The following IFT74 variants were observed in gnomAD, a reference collection of about 807,000 sequenced individuals.
The protein encoded by IFT74 is intraflagellar transport 74.
A neutral mutation model predicts 96.7 loss-of-function variants in IFT74; 92 were observed. That is an observed-to-expected ratio of 0.95 (90% CI 0.80 to 1.13). The LOEUF is 1.13. IFT74 is among the 50% of genes most tolerant of loss of function. The probability of loss-of-function intolerance (pLI) is 0.00; values close to 1 mark genes in which losing one functional copy is unlikely to be tolerated. For missense variants in IFT74, 811 were observed against 698.2 expected, an observed-to-expected ratio of 1.16 and a Z score of -1.82; for synonymous variants, 223 against 213.2, an observed-to-expected ratio of 1.05 and a Z score of -0.40.
chr9:27,007,524 T>C (rs1828854613), intron 8 of IFT74, among the ~76,000 whole-genome samples: 1 of 152,226 alleles, frequency 6.6e-6, no homozygotes, highest in Non-Finnish European at 1.5e-5. Flanking sequence ...TAATTGAAGC[T>C]CCAAGTGAAG....
chr9:26,979,319 A>G (rs1827257422), intron 3 of IFT74, among the ~76,000 whole-genome samples: 1 of 152,214 alleles, frequency 6.6e-6, no homozygotes, highest in African/African-American at 2.4e-5. Flanking sequence ...TTGAAAGTGG[A>G]TGCACAGAAA....
chr9:26,982,158 G>C (rs1827408002), intron 4 of IFT74: 1 of 186,960 alleles, frequency 5.3e-6, no homozygotes, highest in African/African-American at 2.4e-5. Context: ...TAATAAGAAA[G>C]GGAAAATATG....
At chr9:27,038,753 A>G (rs145647314) in intron 13 of IFT74, among the ~76,000 whole-genome samples, 1 of 152,354 alleles carries the variant, frequency 6.6e-6, no homozygotes, top group Admixed American at 6.5e-5. Flanking sequence ...ATTTAGCAGA[A>G]ACAGAGTCCT....
Position 27,048,250 on chromosome 9 carries a change from A to C in IFT74, c.1309A>C (p.Ser437Arg). The C allele has an allele frequency of 2.5e-6, 4 of 1,599,650 alleles. No individual in the cohort carries two copies. Among genetic ancestry groups the C allele is most frequent in the Non-Finnish European group, 3.4e-6 (4 of 1,173,798 alleles). Residue 437 changes from serine (S) to arginine (R), a missense_variant, in exon 16 of 20, where the codon AGT (serine) becomes CGT (arginine). By Grantham distance (110) the Ser-to-Arg change is moderately radical. Coordinates refer to ENST00000380062, the MANE Select transcript of IFT74 (RefSeq NM_025103.4). ...ATCTACTGAAGTGCAGAAATCACAA[A>C]GTACAGCTCAGAATTTGACTTCAGG... is the stretch of plus-strand genomic sequence containing the variant. ...FKSTEVQKSQ[S>R]TAQNLTSDIQ...
At chr9:27,024,660 G>C (rs1226932133) in intron 12 of IFT74, among the ~76,000 whole-genome samples, 1 of 152,056 alleles carries the variant, frequency 6.6e-6, no homozygotes, top group Non-Finnish European at 1.5e-5. Flanking sequence ...TCCAAACCAA[G>C]AAGAAATCTC....
At position 27,000,238 on chromosome 9, in the gene IFT74, G is replaced by A. The variant is rs73643126; in HGVS notation, c.588-8782G>A. Among the ~76,000 whole-genome samples the A allele has an allele frequency of 7.5e-3, 1,136 of 152,182 alleles. 14 individuals carry two copies. The highest frequency in any genetic ancestry group is 0.026 in the African/African-American group (1,083 of 41,532). On this transcript the variant is annotated intron_variant, in intron 8 of 19. Coordinates refer to ENST00000380062, the MANE Select transcript of IFT74 (RefSeq NM_025103.4). ...AGAGAAAATTAATATTTTTAAGTGT[G>A]TCTCATTAGTTTCTAGATCTCATGA... is the stretch of plus-strand genomic sequence containing the variant.
chr9:26,958,198 G>T (rs1309837075), intron 1 of IFT74, among the ~76,000 whole-genome samples: 1 of 152,200 alleles, frequency 6.6e-6, no homozygotes, highest in African/African-American at 2.4e-5. Context: ...TTAAGATTCA[G>T]CTCTTGCCAT....
chr9:27,032,713 A>G (rs1206190162), intron 13 of IFT74, among the ~76,000 whole-genome samples: 1 of 151,966 alleles, frequency 6.6e-6, no homozygotes, highest in Non-Finnish European at 1.5e-5. Flanking sequence ...TAAAAATACA[A>G]AAATTAGCTA....
chr9:26,954,550 G>A (rs1826022239), upstream of IFT74, among the ~76,000 whole-genome samples: 1 of 150,740 alleles, frequency 6.6e-6, no homozygotes, highest in African/African-American at 2.4e-5. Flanking sequence ...ATAGTACAGG[G>A]TGCACTGAGG....
In IFT74 at chr9:27,062,925, T is replaced by TA; in HGVS notation, c.*194dup. 1 of 499,688 alleles carries TA rather than the reference T, an allele frequency of 2.0e-6. No homozygotes were observed. The highest frequency in any genetic ancestry group is 3.5e-6 in the Non-Finnish European group (1 of 286,372). The allele number at this position is 499,688 out of a possible 1,614,324, so 31.0% of individuals were successfully genotyped here. On this transcript the variant is annotated 3_prime_UTR_variant, in exon 20 of 20. Transcript: ENST00000380062. ...ATAGTTCAATAAATGGTTTGCATATTAAAAAGTACCATCTTCTTTTCTTTT... is the reference window on the plus strand; with the variant it reads ...ATAGTTCAATAAATGGTTTGCATATTAAAAAAGTACCATCTTCTTTTCTTTT...
chr9:26,978,299 G>A, intron 3 of IFT74, 36 bp downstream of exon 3: 1 of 1,592,922 alleles, frequency 6.3e-7, no homozygotes, highest in Non-Finnish European at 8.5e-7. Flanking sequence ...ACTTGGGCCT[G>A]TGTTTTGTAA....
chr9:26,967,062 G>A (rs1826653278), intron 2 of IFT74, among the ~76,000 whole-genome samples: 1 of 149,808 alleles, frequency 6.7e-6, no homozygotes, highest in Non-Finnish European at 1.5e-5. Flanking sequence ...TTTAATTCAG[G>A]ATGGGTTTGG....
chr9:26,948,448 A>ATTATTATTTTTTTTTTTTTTTT (rs1825819541), intron 1 of IFT74, among the ~76,000 whole-genome samples: 2 of 59,162 alleles, frequency 3.4e-5, no homozygotes, highest in Non-Finnish European at 7.7e-5. Context: ...GCTTTCCATT[A>ATTATTATTTTTTTTTTTTTTTT]TTTTTTTTTT....
chr9:26,984,073 C>T (rs936869719), intron 4 of IFT74, 184 bp from the exon 5 acceptor site: 3 of 418,700 alleles, frequency 7.2e-6, no homozygotes, highest in East Asian at 5.8e-5. Flanking sequence ...CTTGACCCAC[C>T]GCACCCAGCC....
Position 27,029,034 on chromosome 9 carries a change from T to TA in IFT74, c.985dup (p.Thr329AsnfsTer10). The TA allele has an allele frequency of 1.3e-6, 2 of 1,595,782 alleles. No homozygotes were observed. Among genetic ancestry groups the TA allele is most frequent in the Non-Finnish European group, 1.7e-6 (2 of 1,169,336 alleles). On this transcript the variant is annotated frameshift_variant, in exon 13 of 20. Transcript: ENST00000380062. LOFTEE classifies it high-confidence loss of function. ...AAAATATTTTCAACAGGTTAACAGA[T>TA]ACAAAAGAAAAGATAAATCAGTTTA... is the stretch of plus-strand genomic sequence containing the variant.
chr9:26,983,788 T>TC (rs1458288847), intron 4 of IFT74: 1 of 148,228 alleles, frequency 6.7e-6, no homozygotes, highest in East Asian at 1.9e-4. Flanking sequence ...TTTTTTTTTT[T>TC]TTTTTTTTTT....
intron 8 of IFT74, among the ~76,000 whole-genome samples, chr9:27,005,256 A>G (rs913076337): frequency 7.3e-5 from 11 of 150,120 alleles, no homozygotes; most frequent in Admixed American, 4.0e-4. Flanking sequence ...TATCTTGCCA[A>G]TTGGCTTTTA....
At chr9:27,036,966 C>A (rs962664337) in intron 13 of IFT74, among the ~76,000 whole-genome samples, 1 of 152,034 alleles carries the variant, frequency 6.6e-6, no homozygotes, top group Admixed American at 6.6e-5. Context: ...CGCCTGTAAT[C>A]CCAGCACTTT....
At position 27,023,286 on chromosome 9, in the gene IFT74, G is replaced by A. The variant is rs551777968; in HGVS notation, c.974+4599G>A. On this transcript the variant is annotated intron_variant, in intron 12 of 19. Coordinates refer to ENST00000380062, the MANE Select transcript of IFT74 (RefSeq NM_025103.4). ...CTTTCCCCTGTTCAGTATAATGTTG[G>A]CTGTGGGTTTGTCATAGATAGCTTT... Among the ~76,000 whole-genome samples the A allele has an allele frequency of 2.0e-5, 3 of 152,252 alleles. No homozygotes were observed. In the South Asian group the frequency reaches 6.2e-4, roughly 32 times the overall value.
Sources: gnomAD v4.1 joint callset for allele counts (sites outside exome capture counted in the v4.1 genomes callset) on GRCh38, gnomAD v4.1.1 for gene constraint, MANE v1.5 for transcripts, NCBI Gene and HGNC (gene_info 2026-07-23, HGNC 2026-07-21) for gene names.